Variants in PRKG1 observed in about 807,000 individuals in gnomAD.
PRKG1 encodes protein kinase cGMP-dependent 1.
PRKG1 carries 35 observed loss-of-function variants against 88.1 expected under a neutral mutation model. The ratio of observed to expected loss-of-function variants is 0.40; its 90% CI spans 0.30 to 0.53. The LOEUF (loss-of-function observed/expected upper bound fraction) is 0.53. Ranked by LOEUF, PRKG1 falls within the 20% of genes least tolerant of loss-of-function variation. The pLI is 0.59. For synonymous variants in PRKG1, 303 were observed against 292.5 expected, an observed-to-expected ratio of 1.04 and a Z score of -0.37; for missense variants, 540 against 839.8, an observed-to-expected ratio of 0.64 and a Z score of 4.41.
At chr10:51,663,794 A>G (rs1419524531) in intron 3 of PRKG1, among the ~76,000 whole-genome samples, 1 of 151,710 alleles carries the variant, frequency 6.6e-6, no homozygotes, top group Non-Finnish European at 1.5e-5. Flanking sequence ...AGAAACTTAG[A>G]GAGAATTATT....
chr10:52,139,317 T>A (rs1384143587), intron 8 of PRKG1, among the ~76,000 whole-genome samples: 1 of 152,130 alleles, frequency 6.6e-6, no homozygotes, highest in East Asian at 1.9e-4. Context: ...TAGGAAAACC[T>A]CAGTGCCTTC....
chr10:52,223,786 T>G (rs1840311766), intron 9 of PRKG1, among the ~76,000 whole-genome samples: 1 of 152,166 alleles, frequency 6.6e-6, no homozygotes, highest in South Asian at 2.1e-4. Flanking sequence ...TAAAAAGAAC[T>G]CCATCCTTCC....
At chr10:51,589,378 C>G (rs963142793) in intron 3 of PRKG1, among the ~76,000 whole-genome samples, 1 of 152,148 alleles carries the variant, frequency 6.6e-6, no homozygotes, top group African/African-American at 2.4e-5. Flanking sequence ...AATCCCAGCA[C>G]TTTGGGAGGC....
chr10:52,153,814 CG>C (rs1457731026), intron 8 of PRKG1, among the ~76,000 whole-genome samples: 1 of 152,088 alleles, frequency 6.6e-6, no homozygotes, highest in African/African-American at 2.4e-5. Flanking sequence ...GGCATGATCT[CG>C]GCTCACTGCA....
chr10:51,454,180 T>C (rs191694532), intron 2 of PRKG1, among the ~76,000 whole-genome samples: 1 of 152,066 alleles, frequency 6.6e-6, no homozygotes, highest in East Asian at 1.9e-4. Flanking sequence ...AAAAGCAATC[T>C]AAGGATTCAA....
intron 5 of PRKG1, among the ~76,000 whole-genome samples, chr10:51,956,642 G>A (rs73339223): frequency 0.023 from 3,448 of 152,132 alleles, 136 homozygotes; most frequent in African/African-American, 0.079. Flanking sequence ...TGAGTTACCA[G>A]TTGTTTTATT....
chr10:51,926,318 G>C (rs749535446), intron 5 of PRKG1, among the ~76,000 whole-genome samples: 2 of 152,118 alleles, frequency 1.3e-5, no homozygotes, highest in South Asian at 4.2e-4. Flanking sequence ...TTGAAGGAGT[G>C]TAAGTTTGGA....
At chr10:52,059,134 A>T (rs1316280815) in intron 6 of PRKG1, among the ~76,000 whole-genome samples, 1 of 151,986 alleles carries the variant, frequency 6.6e-6, no homozygotes, top group East Asian at 1.9e-4. Context: ...ACTTAATAGA[A>T]TGGCTAACTC....
chr10:52,258,970 G>A (rs1841369935), intron 10 of PRKG1, among the ~76,000 whole-genome samples: 1 of 151,910 alleles, frequency 6.6e-6, no homozygotes, highest in South Asian at 2.1e-4. Context: ...TTCCAGGCAA[G>A]GGTTACAACA....
intron 1 of PRKG1, among the ~76,000 whole-genome samples, chr10:51,135,373 C>T (rs148070575): frequency 6.6e-6 from 1 of 152,018 alleles, no homozygotes; most frequent in African/African-American, 2.4e-5. Flanking sequence ...AGTGCAAATC[C>T]AAGAAGGAAA....
intron 2 of PRKG1, among the ~76,000 whole-genome samples, chr10:51,392,439 G>C (rs952997640): frequency 6.6e-6 from 1 of 152,156 alleles, no homozygotes; most frequent in Non-Finnish European, 1.5e-5. Flanking sequence ...AGAGAGCACC[G>C]GGTTGGGGGT....
At chr10:51,067,655 A>G (rs757942651) in intron 1 of PRKG1, among the ~76,000 whole-genome samples, 8 of 152,092 alleles carry the variant, frequency 5.3e-5, no homozygotes, top group Non-Finnish European at 8.8e-5. Flanking sequence ...TGAATTTTCC[A>G]TAATGACTCT....
intron 5 of PRKG1, among the ~76,000 whole-genome samples, chr10:51,983,947 G>A (rs1221518886): frequency 6.6e-6 from 1 of 152,164 alleles, no homozygotes; most frequent in Non-Finnish European, 1.5e-5. Flanking sequence ...TCTTTTAAAG[G>A]AAAAATAAAT....
At chr10:51,816,969 G>T (rs1197725502) in intron 4 of PRKG1, among the ~76,000 whole-genome samples, 2 of 152,000 alleles carry the variant, frequency 1.3e-5, no homozygotes, top group African/African-American at 4.8e-5. Flanking sequence ...ATTTTTTAAA[G>T]AAATTAAATA....
chr10:51,581,168 A>G (rs539019273), intron 3 of PRKG1, among the ~76,000 whole-genome samples: 2 of 152,290 alleles, frequency 1.3e-5, no homozygotes, highest in South Asian at 2.1e-4. Context: ...CTTTAACATA[A>G]CATCTGTATG....
chr10:52,047,305 G>A lies in PRKG1; in HGVS notation c.763-7179G>A, dbSNP rs181267489. ...AGTTCATAGCAGAACAAATCCTTTCGACAATGGTTTTTCCATGAGTGAGAA... is the reference window on the plus strand; with the variant it reads ...AGTTCATAGCAGAACAAATCCTTTCAACAATGGTTTTTCCATGAGTGAGAA... On this transcript the variant is annotated intron_variant, in intron 5 of 17. Transcript: ENST00000373980. Among the ~76,000 whole-genome samples, 480 of 152,134 alleles carry A rather than the reference G, an allele frequency of 3.2e-3. 4 individuals carry two copies. Among genetic ancestry groups the A allele is most frequent in the African/African-American group, 0.011 (462 of 41,506 alleles).
At chr10:52,191,109 G>T (rs769597032) in intron 9 of PRKG1, among the ~76,000 whole-genome samples, 7 of 151,894 alleles carry the variant, frequency 4.6e-5, no homozygotes, top group Admixed American at 3.9e-4. Flanking sequence ...TGTCTCTTTA[G>T]GCCTCCTTTA....
At chr10:51,270,811 C>T (rs777209638) in intron 2 of PRKG1, among the ~76,000 whole-genome samples, 5 of 152,168 alleles carry the variant, frequency 3.3e-5, no homozygotes, top group East Asian at 1.9e-4. Context: ...CTGAGAAAAC[C>T]GAGTTGCCTC....
intron 2 of PRKG1, among the ~76,000 whole-genome samples, chr10:51,270,282 T>G (rs1475169250): frequency 6.6e-6 from 1 of 152,202 alleles, no homozygotes; most frequent in Admixed American, 6.5e-5. Context: ...GTTAGCCTAT[T>G]TAATGGCAAA....
Sources: gnomAD v4.1 joint callset for allele counts (sites outside exome capture counted in the v4.1 genomes callset) on GRCh38, gnomAD v4.1.1 for gene constraint, MANE v1.5 for transcripts, NCBI Gene and HGNC (gene_info 2026-07-23, HGNC 2026-07-21) for gene names.